Variants in DRC9 observed in about 807,000 individuals in gnomAD.
DRC9 encodes dynein regulatory complex protein 9.
the DRC9 span, among the ~76,000 whole-genome samples, chr3:197,927,437 G>T: frequency 1.3e-5 from 2 of 152,282 alleles, no homozygotes; most frequent in East Asian, 3.9e-4. Flanking sequence ...TGTTGGCCAG[G>T]CTGGTCTCGA....
the DRC9 span, among the ~76,000 whole-genome samples, chr3:197,931,046 AAAAAGAAAAG>A: frequency 6.6e-6 from 1 of 152,172 alleles, no homozygotes; most frequent in East Asian, 1.9e-4. Flanking sequence ...AAAAGAAAAA[AAAAAGAAAAG>A]AAAAGAAAGA....
At chr3:197,938,807 G>T in the DRC9 span, 20 of 1,532,114 alleles carry the variant, frequency 1.3e-5, no homozygotes, top group Non-Finnish European at 1.7e-5. Flanking sequence ...CAATTAGAAA[G>T]AATTTTTTTA....
chr3:197,903,147 C>T, the DRC9 span, among the ~76,000 whole-genome samples: 3 of 152,146 alleles, frequency 2.0e-5, no homozygotes, highest in Non-Finnish European at 4.4e-5. Flanking sequence ...TGAAACTAGA[C>T]TAGACAGCTA....
the DRC9 span, among the ~76,000 whole-genome samples, chr3:197,920,595 CATGTGTTTTACT>C: frequency 2.0e-5 from 3 of 152,002 alleles, no homozygotes; most frequent in African/African-American, 7.2e-5. Flanking sequence ...GGCCTGGTGG[CATGTGTTTTACT>C]ATTGTTTTTG....
the DRC9 span, among the ~76,000 whole-genome samples, chr3:197,931,800 AT>A: frequency 3.3e-5 from 5 of 151,052 alleles, no homozygotes; most frequent in East Asian, 2.0e-4. Flanking sequence ...AATTTTTTGT[AT>A]TTTTTAGTAG....
At chr3:197,950,285 C>T in the DRC9 span, 7 of 1,230,500 alleles carry the variant, frequency 5.7e-6, no homozygotes, top group African/African-American at 6.2e-5. Context: ...GTTCCTGTGC[C>T]TTGGCGAGTC....
the DRC9 span, among the ~76,000 whole-genome samples, chr3:197,942,994 T>C: frequency 2.0e-5 from 3 of 152,212 alleles, no homozygotes; most frequent in East Asian, 5.8e-4. Flanking sequence ...TTCCATTTTA[T>C]ACCTACAACC....
chr3:197,935,426 G>A, the DRC9 span, among the ~76,000 whole-genome samples: 3 of 147,386 alleles, frequency 2.0e-5, no homozygotes, highest in East Asian at 5.8e-4. Flanking sequence ...GCGACAGAAC[G>A]AGACTCTGTC....
At chr3:197,952,255 C>T in the DRC9 span, among the ~76,000 whole-genome samples, 19 of 148,694 alleles carry the variant, frequency 1.3e-4, no homozygotes, top group Admixed American at 1.0e-3. Flanking sequence ...CCGCAACCTC[C>T]GCCTCCCGGG....
At chr3:197,920,095 G>A in the DRC9 span, among the ~76,000 whole-genome samples, 37,358 of 151,350 alleles carry the variant, frequency 0.25, 5,790 homozygotes, top group African/African-American at 0.45. Context: ...TGTAATCTCA[G>A]CTACTTGGGA....
At chr3:197,932,175 TG>T in the DRC9 span, 1 of 1,611,598 alleles carries the variant, frequency 6.2e-7, no homozygotes, top group African/African-American at 1.3e-5. Flanking sequence ...GACTCTGACC[TG>T]GCAATGATGT....
At chr3:197,943,810 C>A in the DRC9 span, 4 of 1,614,054 alleles carry the variant, frequency 2.5e-6, no homozygotes, top group Non-Finnish European at 3.4e-6. Flanking sequence ...TCGTACTGAA[C>A]GGGCATGATG....
At chr3:197,930,736 G>GAAAAAAAAAAAAAA in the DRC9 span, among the ~76,000 whole-genome samples, 1 of 94,248 alleles carries the variant, frequency 1.1e-5, no homozygotes. Flanking sequence ...CTCAGTCTCA[G>GAAAAAAAAAAAAAA]AAAAAAAAAA....
the DRC9 span, among the ~76,000 whole-genome samples, chr3:197,947,271 G>A: frequency 1.3e-5 from 2 of 151,942 alleles, no homozygotes; most frequent in African/African-American, 2.4e-5. Context: ...CCTGACAGAA[G>A]GTTCAGGAAG....
At chr3:197,938,481 C>G in the DRC9 span, 3 of 1,153,020 alleles carry the variant, frequency 2.6e-6, no homozygotes, top group Non-Finnish European at 3.9e-6. Flanking sequence ...AGTCAGCCAC[C>G]TGGGCGCCCC....
At chr3:197,914,825 C>T in the DRC9 span, among the ~76,000 whole-genome samples, 2 of 152,064 alleles carry the variant, frequency 1.3e-5, no homozygotes, top group Non-Finnish European at 2.9e-5. Flanking sequence ...CTCGGGAAAG[C>T]GATGGCTCAT....
chr3:197,889,431 C>T, the DRC9 span: 2 of 882,894 alleles, frequency 2.3e-6, no homozygotes, highest in Non-Finnish European at 3.6e-6. Context: ...GTGAAATTAA[C>T]AGGCAAAGTG....
At chr3:197,896,037 G>T in the DRC9 span, among the ~76,000 whole-genome samples, 1 of 136,486 alleles carries the variant, frequency 7.3e-6, no homozygotes. Context: ...GAAAAAAAAT[G>T]AAAAGTTAAA....
At chr3:197,922,168 A>G in the DRC9 span, among the ~76,000 whole-genome samples, 1 of 151,918 alleles carries the variant, frequency 6.6e-6, no homozygotes, top group African/African-American at 2.4e-5. Flanking sequence ...TGGTTTCTTA[A>G]CCTATTTTTT....
Sources: gnomAD v4.1 joint callset for allele counts (sites outside exome capture counted in the v4.1 genomes callset) on GRCh38, gnomAD v4.1.1 for gene constraint, MANE v1.5 for transcripts, NCBI Gene and HGNC (gene_info 2026-07-23, HGNC 2026-07-21) for gene names.